The following CNTNAP2 variants were observed in gnomAD, a reference collection of about 807,000 sequenced individuals.
The protein encoded by CNTNAP2 is contactin associated protein 2, also known as contactin-associated protein-like 2.
Under a neutral mutation model 155.2 loss-of-function variants are expected in CNTNAP2, and 98 were observed. The observed-to-expected ratio is 0.63, with a 90% CI of 0.54 to 0.75. CNTNAP2 has a LOEUF of 0.75. Among genes scored for constraint, CNTNAP2 ranks in the 30% least tolerant of loss-of-function variants. The probability of loss-of-function intolerance (pLI) is 0.00; values close to 1 mark genes in which losing one functional copy is unlikely to be tolerated. For missense variants in CNTNAP2, 1,727 were observed against 1,688.1 expected, an observed-to-expected ratio of 1.02 and a Z score of -0.40; for synonymous variants, 651 against 631.2, an observed-to-expected ratio of 1.03 and a Z score of -0.47.
intron 3 of CNTNAP2, among the ~76,000 whole-genome samples, chr7:147,009,453 G>A (rs1258483589): frequency 6.6e-6 from 1 of 152,118 alleles, no homozygotes; most frequent in Non-Finnish European, 1.5e-5. Context: ...TCCGATATGT[G>A]CATTTACCTT....
intron 1 of CNTNAP2, among the ~76,000 whole-genome samples, chr7:146,680,144 A>G (rs2129169708): frequency 6.6e-6 from 1 of 152,296 alleles, no homozygotes; most frequent in Non-Finnish European, 1.5e-5. Context: ...TATTATTATG[A>G]CCACTTTATA....
At chr7:146,712,645 T>C (rs1366134149) in intron 1 of CNTNAP2, among the ~76,000 whole-genome samples, 2 of 151,668 alleles carry the variant, frequency 1.3e-5, no homozygotes, top group Non-Finnish European at 2.9e-5. Flanking sequence ...ACTAGAATTT[T>C]GATCTACTTT....
At chr7:148,386,556 G>A (rs138949861) in intron 22 of CNTNAP2, among the ~76,000 whole-genome samples, 1 of 152,198 alleles carries the variant, frequency 6.6e-6, no homozygotes, top group Admixed American at 6.5e-5. Flanking sequence ...ATAAGGCAGA[G>A]GTTTATTGAA....
At chr7:147,582,042 T>C (rs1322115434) in intron 12 of CNTNAP2, among the ~76,000 whole-genome samples, 2 of 152,276 alleles carry the variant, frequency 1.3e-5, no homozygotes, top group South Asian at 2.1e-4. Context: ...ACTTAGTTTA[T>C]TGAAGTTCTT....
At chr7:146,248,441 C>A (rs1342970231) in intron 1 of CNTNAP2, among the ~76,000 whole-genome samples, 4 of 152,148 alleles carry the variant, frequency 2.6e-5, no homozygotes, top group African/African-American at 9.7e-5. Context: ...AGGGACGCAT[C>A]CCTGGAATGA....
intron 1 of CNTNAP2, among the ~76,000 whole-genome samples, chr7:146,292,881 G>A (rs188900654): frequency 1.9e-4 from 29 of 152,136 alleles, no homozygotes; most frequent in African/African-American, 6.3e-4. Context: ...GGGAGAGAGG[G>A]GAATGAGGAG....
Position 147,509,191 on chromosome 7 carries a change from G to A in CNTNAP2, c.1777+23150G>A, listed in dbSNP as rs530123508. Among the ~76,000 whole-genome samples, 14 of 152,224 alleles carry A rather than the reference G, an allele frequency of 9.2e-5. No homozygotes were observed. The East Asian group carries it at 2.7e-3, about 29-fold the overall frequency. ...TCAGCTCAAGTCTCTTTGATTGCAG[G>A]AAACATTGTATCATCCCAAATCTGA... On this transcript the variant is annotated intron_variant, in intron 11 of 23. Coordinates refer to ENST00000361727, the MANE Select transcript of CNTNAP2 (RefSeq NM_014141.6).
intron 1 of CNTNAP2, among the ~76,000 whole-genome samples, chr7:146,531,840 G>A (rs1455839656): frequency 1.3e-5 from 2 of 151,936 alleles, no homozygotes; most frequent in Non-Finnish European, 2.9e-5. Context: ...CCACCATGCC[G>A]GCCCTATAGC....
intron 14 of CNTNAP2, among the ~76,000 whole-genome samples, chr7:147,935,205 C>T (rs1169281753): frequency 6.6e-6 from 1 of 151,874 alleles, no homozygotes; most frequent in African/African-American, 2.4e-5. Flanking sequence ...CGGCTCACTG[C>T]AATCTGTGCC....
At chr7:146,812,445 A>ATATATATATATATATATATAT (rs1386547927) in intron 2 of CNTNAP2, among the ~76,000 whole-genome samples, 1 of 144,570 alleles carries the variant, frequency 6.9e-6, no homozygotes, top group African/African-American at 2.6e-5. Context: ...ATATATAAAA[A>ATATATATATATATATATATAT]ATATATATAT....
chr7:146,579,013 T>C (rs1798567779), intron 1 of CNTNAP2, among the ~76,000 whole-genome samples: 2 of 152,186 alleles, frequency 1.3e-5, no homozygotes, highest in Non-Finnish European at 2.9e-5. Context: ...AAATTGTAGC[T>C]GACGTATTTT....
At chr7:148,331,074 T>TGGAATGGATGGATG (rs1797993598) in intron 21 of CNTNAP2, among the ~76,000 whole-genome samples, 1 of 141,300 alleles carries the variant, frequency 7.1e-6, no homozygotes, top group African/African-American at 2.7e-5. Flanking sequence ...AGTGGATGGA[T>TGGAATGGATGGATG]GGATAGATGG....
At chr7:147,518,579 G>C (rs1264327596) in intron 11 of CNTNAP2, among the ~76,000 whole-genome samples, 1 of 152,238 alleles carries the variant, frequency 6.6e-6, no homozygotes, top group Non-Finnish European at 1.5e-5. Flanking sequence ...GGTGGACAGA[G>C]TTGGATCATG....
At chr7:147,210,479 T>G (rs1293611882) in intron 8 of CNTNAP2, among the ~76,000 whole-genome samples, 1 of 151,746 alleles carries the variant, frequency 6.6e-6, no homozygotes, top group African/African-American at 2.4e-5. Context: ...TTAAATCTTC[T>G]CTCAGATTTT....
intron 1 of CNTNAP2, among the ~76,000 whole-genome samples, chr7:146,627,636 T>A (rs1431252614): frequency 6.6e-6 from 1 of 152,132 alleles, no homozygotes; most frequent in Non-Finnish European, 1.5e-5. Context: ...AACTTAAAAC[T>A]TTTATGTAAT....
intron 18 of CNTNAP2, among the ~76,000 whole-genome samples, chr7:148,216,110 C>T (rs1311724379): frequency 6.6e-6 from 1 of 152,160 alleles, no homozygotes; most frequent in African/African-American, 2.4e-5. Context: ...TAAGGTGGCA[C>T]AGCCCTTCAC....
intron 1 of CNTNAP2, among the ~76,000 whole-genome samples, chr7:146,304,071 C>G (rs1327723076): frequency 6.7e-6 from 1 of 149,006 alleles, no homozygotes; most frequent in African/African-American, 2.5e-5. Context: ...TCTGTTTTAT[C>G]AGAGACTAGG....
At chr7:146,784,988 T>TC (rs1802551002) in intron 2 of CNTNAP2, among the ~76,000 whole-genome samples, 1 of 140,760 alleles carries the variant, frequency 7.1e-6, no homozygotes, top group African/African-American at 2.6e-5. Context: ...TTTTTTTTTT[T>TC]CTTTTAAGAC....
intron 9 of CNTNAP2, among the ~76,000 whole-genome samples, chr7:147,329,784 C>G (rs1323226925): frequency 6.6e-6 from 1 of 151,748 alleles, no homozygotes; most frequent in Non-Finnish European, 1.5e-5. Flanking sequence ...TTAATTTATG[C>G]TTTACATCTT....
Sources: gnomAD v4.1 joint callset for allele counts (sites outside exome capture counted in the v4.1 genomes callset) on GRCh38, gnomAD v4.1.1 for gene constraint, MANE v1.5 for transcripts, NCBI Gene and HGNC (gene_info 2026-07-23, HGNC 2026-07-21) for gene names.